SNX7: variants seen among roughly 807,000 people sequenced by gnomAD.
SNX7 encodes sorting nexin 7.
Under a neutral mutation model 48.4 loss-of-function variants are expected in SNX7, and 35 were observed. The ratio of observed to expected loss-of-function variants is 0.72; its 90% CI spans 0.55 to 0.96. The LOEUF (loss-of-function observed/expected upper bound fraction) is 0.96. Among genes scored for constraint, SNX7 ranks in the 40% least tolerant of loss-of-function variants. The pLI is 0.00. For missense variants in SNX7, 553 were observed against 548.9 expected, an observed-to-expected ratio of 1.01 and a Z score of -0.07; for synonymous variants, 190 against 190.2, an observed-to-expected ratio of 1.00 and a Z score of 0.01.
chr1:98,662,004 C>T (rs1347328401), intron 1 of SNX7, 93 bp downstream of exon 1: 30 of 1,205,632 alleles, frequency 2.5e-5, no homozygotes, highest in East Asian at 9.6e-5. Flanking sequence ...CGCGCTTGCC[C>T]TCCCGGGGCG....
chr1:98,664,717 G>A (rs2100898081), intron 1 of SNX7, among the ~76,000 whole-genome samples: 1 of 152,254 alleles, frequency 6.6e-6, no homozygotes, highest in Admixed American at 6.5e-5. Context: ...AATCAAGAGG[G>A]ATGGAAAGTA....
chr1:98,700,256 A>G (rs1369945574), intron 6 of SNX7, among the ~76,000 whole-genome samples: 1 of 152,166 alleles, frequency 6.6e-6, no homozygotes. Flanking sequence ...ATGAAAAATA[A>G]TCCTTCCATA....
chr1:98,701,970 C>T, intron 7 of SNX7, 67 bp downstream of exon 7: 1 of 1,070,716 alleles, frequency 9.3e-7, no homozygotes, highest in East Asian at 2.5e-5. Flanking sequence ...TTAGCAATGT[C>T]CTTACATGAT....
chr1:98,661,802 G>T lies in SNX7; in HGVS notation c.71G>T (p.Ser24Ile), dbSNP rs1649235940. 1 of 1,244,952 alleles carries T rather than the reference G, an allele frequency of 8.0e-7. No homozygotes were observed. The highest frequency in any genetic ancestry group is 1.0e-6 in the Non-Finnish European group (1 of 987,106). The allele number at this position is 1,244,952 out of a possible 1,614,324, so 77.1% of individuals were successfully genotyped here. ...CCGGCCGGGGGCGCCAACGGGGAGAGCCCGGGGGGCGGCGCCCCCTTTCCG... is the reference window on the plus strand; with the variant it reads ...CCGGCCGGGGGCGCCAACGGGGAGATCCCGGGGGGCGGCGCCCCCTTTCCG... ...GLPAGGANGESPGGGAPFPGS... is the reference protein window; with the variant it reads ...GLPAGGANGEIPGGGAPFPGS... Residue 24 changes from serine (S) to isoleucine (I), a missense_variant, in exon 1 of 9, where the codon AGC becomes ATC. Physicochemically the swap from Ser to Ile is moderately radical, Grantham distance 142. Coordinates refer to ENST00000306121, the MANE Select transcript of SNX7 (RefSeq NM_015976.5).
intron 6 of SNX7, 94 bp from the exon 7 acceptor site, chr1:98,701,723 G>T: frequency 1.4e-6 from 1 of 737,718 alleles, no homozygotes. Flanking sequence ...TTGGGGAAGA[G>T]ATGCTATTTA....
chr1:98,714,119 T>G (rs1280905678), intron 7 of SNX7, among the ~76,000 whole-genome samples: 1 of 152,180 alleles, frequency 6.6e-6, no homozygotes, highest in Non-Finnish European at 1.5e-5. Flanking sequence ...AGAGTAAGCC[T>G]TTTCTCTCTG....
At chr1:98,670,770 G>C (rs951117278) in intron 1 of SNX7, among the ~76,000 whole-genome samples, 1 of 152,010 alleles carries the variant, frequency 6.6e-6, no homozygotes, top group Non-Finnish European at 1.5e-5. Flanking sequence ...ACACATGCCT[G>C]TATTTGGAAA....
chr1:98,687,796 C>A (rs538735909), intron 2 of SNX7, among the ~76,000 whole-genome samples: 1 of 152,184 alleles, frequency 6.6e-6, no homozygotes, highest in Non-Finnish European at 1.5e-5. Context: ...AGGGGGCTCA[C>A]AATCATGGCA....
At chr1:98,718,396 A>G (rs1652697443) in intron 7 of SNX7, among the ~76,000 whole-genome samples, 2 of 152,102 alleles carry the variant, frequency 1.3e-5, no homozygotes, top group Admixed American at 1.3e-4. Context: ...CAGAGTCTCC[A>G]TTTTTATGCC....
chr1:98,720,655 A>G (rs1407892025), intron 7 of SNX7, among the ~76,000 whole-genome samples: 3 of 152,102 alleles, frequency 2.0e-5, no homozygotes, highest in Non-Finnish European at 2.9e-5. Context: ...AATTAAACAC[A>G]ACTAAAAATT....
At position 98,661,729 on chromosome 1, in the gene SNX7, G is replaced by C. The variant is rs1401517508; in HGVS notation, c.-3G>C. ...GGCGGCCGGCTGGGCGCGCACTCTC[G>C]GGATGGAGGGCGAGCGCCGGGCATC... On this transcript the variant is annotated 5_prime_UTR_variant, in exon 1 of 9. Transcript: ENST00000306121. The C allele has an allele frequency of 3.1e-5, 38 of 1,223,724 alleles. No homozygotes were observed. The highest frequency in any genetic ancestry group is 3.8e-5 in the Non-Finnish European group (37 of 979,312). 75.8% of individuals were successfully genotyped at this position (1,223,724 alleles called of 1,614,324 possible). A position where few individuals can be genotyped will look rare whatever the true frequency, so the allele number is the denominator to read the frequency against.
Position 98,701,721 on chromosome 1 carries a change from G to A in SNX7, c.1039-96G>A, listed in dbSNP as rs1370220156. The A allele has an allele frequency of 6.9e-6, 5 of 725,642 alleles. No individual in the cohort carries two copies. In the Admixed American group the frequency reaches 1.5e-4, roughly 21 times the overall value. 45.0% of individuals were successfully genotyped at this position (725,642 alleles called of 1,614,324 possible). ...CCCAAATGACTGATGGCTTGGGGAA[G>A]AGATGCTATTTATATTCTGAAATAT... is the stretch of plus-strand genomic sequence containing the variant. On this transcript the variant is annotated intron_variant, in intron 6 of 8. Coordinates refer to ENST00000306121, the MANE Select transcript of SNX7 (RefSeq NM_015976.5).
chr1:98,671,848 C>G (rs1394774544), intron 1 of SNX7, among the ~76,000 whole-genome samples: 1 of 151,806 alleles, frequency 6.6e-6, no homozygotes, highest in African/African-American at 2.4e-5. Context: ...AGGTTCATTT[C>G]TATTAGAAAA....
At chr1:98,671,224 C>T (rs935359750) in intron 1 of SNX7, among the ~76,000 whole-genome samples, 1 of 152,048 alleles carries the variant, frequency 6.6e-6, no homozygotes, top group Non-Finnish European at 1.5e-5. Context: ...ATTGGAGTCA[C>T]CTTAAGTATA....
chr1:98,687,496 T>A (rs1340951039), intron 2 of SNX7, among the ~76,000 whole-genome samples: 1 of 152,130 alleles, frequency 6.6e-6, no homozygotes, highest in East Asian at 1.9e-4. Flanking sequence ...TCTTTTCTTA[T>A]TATCATTTAC....
chr1:98,749,489 T>C (rs1339820652), intron 8 of SNX7, among the ~76,000 whole-genome samples: 5 of 152,156 alleles, frequency 3.3e-5, no homozygotes, highest in African/African-American at 9.6e-5. Flanking sequence ...CAAATCCTGT[T>C]ATTTTTAAGT....
intron 8 of SNX7, among the ~76,000 whole-genome samples, chr1:98,739,955 C>T (rs904394599): frequency 3.9e-5 from 6 of 152,052 alleles, no homozygotes; most frequent in African/African-American, 1.2e-4. Context: ...GTACATGGGT[C>T]AGAGTTAGGC....
chr1:98,708,601 A>G (rs1274550502), intron 7 of SNX7, among the ~76,000 whole-genome samples: 1 of 152,092 alleles, frequency 6.6e-6, no homozygotes, highest in African/African-American at 2.4e-5. Context: ...CTGGCGGGGA[A>G]TTTGGAATGG....
At chr1:98,693,297 T>C (rs2100958772) in intron 4 of SNX7, among the ~76,000 whole-genome samples, 1 of 152,314 alleles carries the variant, frequency 6.6e-6, no homozygotes, top group East Asian at 1.9e-4. Flanking sequence ...TCCATTCTAC[T>C]TGTTTTTTCT....
Sources: allele counts gnomAD v4.1 joint callset (sites outside exome capture counted in the v4.1 genomes callset), GRCh38; gene constraint gnomAD v4.1.1; transcripts MANE v1.5; gene names NCBI Gene and HGNC (gene_info 2026-07-23, HGNC 2026-07-21).